GFOD1: variants seen among roughly 807,000 people sequenced by gnomAD.
The protein encoded by GFOD1 is Gfo/Idh/MocA-like oxidoreductase domain containing 1.
GFOD1 carries 9 observed loss-of-function variants against 25.4 expected under a neutral mutation model. The ratio of observed to expected loss-of-function variants is 0.35; its 90% CI spans 0.21 to 0.62. GFOD1 has a LOEUF of 0.62. Among genes scored for constraint, GFOD1 ranks in the 20% least tolerant of loss-of-function variants. The pLI is 0.72. For synonymous variants in GFOD1, 253 were observed against 245.6 expected (o/e 1.03, Z -0.28); for missense variants, 403 against 556.9 (o/e 0.72, Z 2.78).
chr6:13,388,698 C>T (rs1212668058), intron 1 of GFOD1, among the ~76,000 whole-genome samples: 2 of 152,302 alleles, frequency 1.3e-5, no homozygotes, highest in East Asian at 3.9e-4. Flanking sequence ...AGGACACAGA[C>T]ATGGGCAAAG....
intron 1 of GFOD1, among the ~76,000 whole-genome samples, chr6:13,369,744 A>C (rs1785113120): frequency 6.6e-6 from 1 of 152,206 alleles, no homozygotes; most frequent in Non-Finnish European, 1.5e-5. Context: ...CATATAATAG[A>C]ATATTGTGCA....
At chr6:13,414,349 G>A (rs968027042) in intron 1 of GFOD1, among the ~76,000 whole-genome samples, 17 of 152,352 alleles carry the variant, frequency 1.1e-4, no homozygotes, top group South Asian at 2.1e-4. Flanking sequence ...TGTGAGTGCC[G>A]GAAGCACTGG....
intron 1 of GFOD1, among the ~76,000 whole-genome samples, chr6:13,393,590 T>C (rs1372573869): frequency 6.6e-6 from 1 of 151,894 alleles, no homozygotes. Flanking sequence ...ATTTCTCAAG[T>C]CTGGTGATAA....
chr6:13,460,349 G>A (rs1156282977), intron 1 of GFOD1, among the ~76,000 whole-genome samples: 2 of 152,148 alleles, frequency 1.3e-5, no homozygotes, highest in Admixed American at 1.3e-4. Context: ...TTGTTATAAA[G>A]ATACATGCAT....
At position 13,360,564 on chromosome 6, in the gene GFOD1, C is replaced by A. The variant is rs1231564784; in HGVS notation, c.*4179G>T. On this transcript the variant is annotated 3_prime_UTR_variant, in exon 2 of 2. Transcript: ENST00000379287. ...AGTCAGCCAACAAGATTTTGAAAAT[C>A]CCCAGCCCTGAGGCTTGCTGCATCA... The A allele has an allele frequency of 1.3e-5, 5 of 385,138 alleles. No individual in the cohort carries two copies. The highest frequency in any genetic ancestry group is 1.2e-4 in the Admixed American group (4 of 34,548). 23.9% of individuals were successfully genotyped at this position (385,138 alleles called of 1,614,324 possible).
chr6:13,365,438 A>G lies in GFOD1; in HGVS notation c.478T>C (p.Tyr160His). 1 of 1,613,816 alleles carries G rather than the reference A, an allele frequency of 6.2e-7. No individual in the cohort carries two copies. Among genetic ancestry groups the G allele is most frequent in the Non-Finnish European group, 8.5e-7 (1 of 1,179,982 alleles). The change falls in exon 2 of 2, where the codon TAC becomes CAC. Residue 160 changes from tyrosine to histidine, a missense_variant. Coordinates refer to ENST00000379287, the MANE Select transcript of GFOD1 (RefSeq NM_018988.4). The surrounding 1 kb of genome is among the most constrained non-coding windows in gnomAD (Gnocchi z 9.2). ...VHGGSLLGKK[Y>H]NWSCDDLMGG... is the part of the protein sequence containing the mutation. ...ATCAAGTCGTCGCAGCTCCAGTTGTACTTCTTGCCCAGCAGGCTGCCGCCG... is the reference window on the plus strand; with the variant it reads ...ATCAAGTCGTCGCAGCTCCAGTTGTGCTTCTTGCCCAGCAGGCTGCCGCCG...
intron 1 of GFOD1, among the ~76,000 whole-genome samples, chr6:13,384,825 A>G (rs1785433099): frequency 6.6e-6 from 1 of 152,252 alleles, no homozygotes; most frequent in Non-Finnish European, 1.5e-5. Flanking sequence ...TTGCGTACAA[A>G]TGAAGATAGA....
At chr6:13,485,350 C>T (rs1758841323) in intron 1 of GFOD1, among the ~76,000 whole-genome samples, 1 of 152,256 alleles carries the variant, frequency 6.6e-6, no homozygotes, top group Non-Finnish European at 1.5e-5. Context: ...ATAAAACAGT[C>T]TTTCCAAGAC....
chr6:13,407,919 T>A (rs1472024305), intron 1 of GFOD1: 2 of 977,772 alleles, frequency 2.0e-6, no homozygotes, highest in Non-Finnish European at 2.4e-6. Context: ...CCCAACCAAC[T>A]GACTCTCGGA....
chr6:13,446,644 C>T (rs912001950), intron 1 of GFOD1, among the ~76,000 whole-genome samples: 6 of 152,302 alleles, frequency 3.9e-5, no homozygotes, highest in Non-Finnish European at 5.9e-5. Context: ...GCGAATCACA[C>T]GTGTAGGCCA....
At position 13,486,958 on chromosome 6, in the gene GFOD1, TCTAG is replaced by T. The variant is rs1156612106; in HGVS notation, c.-72_-69del. ...AGTCCAACGCGCGCACACACCCACC[TCTAG>T]CCAGTCCTGCACCCCGCTCCTGTAG... On this transcript the variant is annotated 5_prime_UTR_variant, in exon 1 of 2. Coordinates refer to ENST00000379287, the MANE Select transcript of GFOD1 (RefSeq NM_018988.4). 1 of 1,548,362 alleles carries T rather than the reference TCTAG, an allele frequency of 6.5e-7. No individual in the cohort carries two copies.
At chr6:13,455,964 C>G (rs1758180922) in intron 1 of GFOD1, among the ~76,000 whole-genome samples, 1 of 152,160 alleles carries the variant, frequency 6.6e-6, no homozygotes, top group Admixed American at 6.5e-5. Context: ...TTTATTCAGA[C>G]AAGATTGCGG....
chr6:13,374,728 CTTTTTTTTTT>C (rs147560408), intron 1 of GFOD1, among the ~76,000 whole-genome samples: 2 of 66,780 alleles, frequency 3.0e-5, no homozygotes, highest in East Asian at 1.2e-3. Context: ...CATCTCAAAT[CTTTTTTTTTT>C]TTTTTTTTTT....
At chr6:13,455,412 G>A (rs79616505) in intron 1 of GFOD1, among the ~76,000 whole-genome samples, 4,837 of 152,264 alleles carry the variant, frequency 0.032, 255 homozygotes, top group African/African-American at 0.11. Context: ...TGGCTACCAC[G>A]AATGGGAAAG....
At chr6:13,379,169 G>A (rs1159467421) in intron 1 of GFOD1, among the ~76,000 whole-genome samples, 1 of 152,190 alleles carries the variant, frequency 6.6e-6, no homozygotes, top group African/African-American at 2.4e-5. Context: ...GTAACCTACA[G>A]TGCAATAATT....
At chr6:13,381,947 A>AC (rs1785374261) in intron 1 of GFOD1, among the ~76,000 whole-genome samples, 1 of 149,852 alleles carries the variant, frequency 6.7e-6, no homozygotes, top group Non-Finnish European at 1.5e-5. Flanking sequence ...ACACACACAC[A>AC]CACACAAACT....
chr6:13,471,263 C>T (rs1410200902), intron 1 of GFOD1, among the ~76,000 whole-genome samples: 1 of 152,192 alleles, frequency 6.6e-6, no homozygotes, highest in Admixed American at 6.5e-5. Context: ...CTTCCCCTCA[C>T]CACCTTCCTG....
intron 1 of GFOD1, among the ~76,000 whole-genome samples, chr6:13,460,488 G>T (rs1385073297): frequency 1.3e-5 from 2 of 152,156 alleles, no homozygotes; most frequent in African/African-American, 4.8e-5. Context: ...GCCATAAAAA[G>T]GATCAAGATC....
chr6:13,410,577 G>GGAGAGA (rs10530261), intron 1 of GFOD1, among the ~76,000 whole-genome samples: 5,504 of 127,538 alleles, frequency 0.043, 207 homozygotes, highest in East Asian at 0.15. Flanking sequence ...AAGAAAGAAA[G>GGAGAGA]GAGAGAGAGA....
Sources: allele counts gnomAD v4.1 joint callset (sites outside exome capture counted in the v4.1 genomes callset), GRCh38; gene constraint gnomAD v4.1.1; non-coding constraint Gnocchi (gnomAD v3.1); transcripts MANE v1.5; gene names NCBI Gene and HGNC (gene_info 2026-07-23, HGNC 2026-07-21).